PTH2R: variants seen among roughly 807,000 people sequenced by gnomAD.
PTH2R encodes the protein PTH2 receptor.
In PTH2R, 59 loss-of-function variants were observed where a neutral mutation model predicts 60.3. The ratio of observed to expected loss-of-function variants is 0.98; its 90% CI spans 0.79 to 1.22. PTH2R has a LOEUF of 1.22. Among genes scored for constraint, PTH2R ranks in the 50% most tolerant of loss-of-function variants. The pLI is 0.00. For missense variants in PTH2R, 749 were observed against 682.6 expected (o/e 1.10, Z -1.08); for synonymous variants, 256 against 243.8 (o/e 1.05, Z -0.47).
intron 4 of PTH2R, among the ~76,000 whole-genome samples, chr2:208,441,417 C>A (rs925537326): frequency 6.6e-6 from 1 of 152,146 alleles, no homozygotes; most frequent in Non-Finnish European, 1.5e-5. Flanking sequence ...CTCTTTATAT[C>A]CCATTTTCTT....
chr2:208,388,042 G>A (rs1369903442), intron 1 of PTH2R, among the ~76,000 whole-genome samples: 1 of 151,754 alleles, frequency 6.6e-6, no homozygotes, highest in Non-Finnish European at 1.5e-5. Context: ...GGGCGCGGTG[G>A]CTCACACCTG....
At chr2:208,480,023 T>C (rs1262361775) in intron 9 of PTH2R, among the ~76,000 whole-genome samples, 1 of 152,186 alleles carries the variant, frequency 6.6e-6, no homozygotes, top group African/African-American at 2.4e-5. Flanking sequence ...TCAGTTCTTG[T>C]AGAAAGTTGT....
chr2:208,369,096 A>G (rs1700645831), intron 1 of PTH2R, among the ~76,000 whole-genome samples: 1 of 152,142 alleles, frequency 6.6e-6, no homozygotes, highest in African/African-American at 2.4e-5. Flanking sequence ...TGGCTTGACC[A>G]GCACCCATGA....
chr2:208,480,693 C>T (rs1703126857), intron 9 of PTH2R, among the ~76,000 whole-genome samples: 1 of 152,222 alleles, frequency 6.6e-6, no homozygotes, highest in South Asian at 2.1e-4. Context: ...TATTATTCCT[C>T]TCTCTAAAGT....
chr2:208,380,549 A>G (rs1700893730), intron 1 of PTH2R, among the ~76,000 whole-genome samples: 1 of 152,014 alleles, frequency 6.6e-6, no homozygotes, highest in African/African-American at 2.4e-5. Flanking sequence ...TTCAACAAAG[A>G]CTTTCTCTAA....
intron 11 of PTH2R, 66 bp from the exon 12 acceptor site, chr2:208,490,573 C>G: frequency 6.5e-7 from 1 of 1,532,228 alleles, no homozygotes. Flanking sequence ...CACATTTTGG[C>G]ACAAGATGCT....
intron 12 of PTH2R, among the ~76,000 whole-genome samples, chr2:208,492,012 A>G (rs933078278): frequency 3.3e-5 from 5 of 152,192 alleles, no homozygotes; most frequent in Non-Finnish European, 5.9e-5. Flanking sequence ...AGATGAACAG[A>G]TAGAAGTTTG....
intron 9 of PTH2R, among the ~76,000 whole-genome samples, chr2:208,468,164 A>G (rs1373739341): frequency 6.6e-6 from 1 of 152,154 alleles, no homozygotes; most frequent in Admixed American, 6.5e-5. Context: ...ACCTGTCTGT[A>G]AAGGGAGAAA....
intron 9 of PTH2R, among the ~76,000 whole-genome samples, chr2:208,472,358 T>C (rs1187240633): frequency 6.6e-6 from 1 of 152,168 alleles, no homozygotes; most frequent in Non-Finnish European, 1.5e-5. Flanking sequence ...GTCTCTTTGA[T>C]AATAGATAAC....
At chr2:208,474,863 T>G (rs1702965113) in intron 9 of PTH2R, among the ~76,000 whole-genome samples, 1 of 152,216 alleles carries the variant, frequency 6.6e-6, no homozygotes, top group African/African-American at 2.4e-5. Context: ...TAGTCCTGTT[T>G]GATTGATTCT....
At chr2:208,461,358 G>T (rs1424160997) in intron 9 of PTH2R, among the ~76,000 whole-genome samples, 1 of 152,004 alleles carries the variant, frequency 6.6e-6, no homozygotes, top group Non-Finnish European at 1.5e-5. Context: ...AAAATTAACT[G>T]CTCAGATTTC....
intron 9 of PTH2R, among the ~76,000 whole-genome samples, chr2:208,466,065 A>G (rs1407769539): frequency 2.0e-5 from 3 of 152,194 alleles, no homozygotes; most frequent in Non-Finnish European, 2.9e-5. Context: ...AAAACTGCCA[A>G]TACGTGATTT....
intron 4 of PTH2R, among the ~76,000 whole-genome samples, chr2:208,441,653 T>C (rs1702186318): frequency 6.6e-6 from 1 of 152,166 alleles, no homozygotes; most frequent in Non-Finnish European, 1.5e-5. Context: ...GGTTGCCAGG[T>C]GTTTGGCATG....
chr2:208,453,984 T>C (rs770594055), intron 8 of PTH2R, among the ~76,000 whole-genome samples: 2 of 152,140 alleles, frequency 1.3e-5, no homozygotes, highest in Non-Finnish European at 1.5e-5. Flanking sequence ...TCATTCCTTA[T>C]AAGTGTCTGA....
Position 208,470,206 on chromosome 2 carries a change from G to A in PTH2R, c.981+10245G>A, listed in dbSNP as rs146140357. On this transcript the variant is annotated intron_variant, in intron 9 of 12. Transcript: ENST00000272847. ...AGAAACCTGAGATCTTGAATTTACC[G>A]GTTAGGGAAAAGAAAAGGAGGAACT... Among the ~76,000 whole-genome samples the A allele has an allele frequency of 6.6e-4, 101 of 152,244 alleles. 3 individuals carry two copies. In the East Asian group the frequency reaches 0.016, roughly 24 times the overall value.
At chr2:208,438,397 T>C (rs1196703062) in intron 4 of PTH2R, among the ~76,000 whole-genome samples, 1 of 152,106 alleles carries the variant, frequency 6.6e-6, no homozygotes, top group East Asian at 1.9e-4. Context: ...TCCAGCACAA[T>C]ATATTAATTT....
intron 1 of PTH2R, among the ~76,000 whole-genome samples, chr2:208,415,811 A>G (rs1056854032): frequency 2.6e-5 from 4 of 152,216 alleles, no homozygotes; most frequent in Non-Finnish European, 4.4e-5. Context: ...CAATAAAAGT[A>G]AAGTTCAAAG....
chr2:208,443,878 T>G (rs1413454598), intron 6 of PTH2R, among the ~76,000 whole-genome samples: 1 of 152,146 alleles, frequency 6.6e-6, no homozygotes, highest in Non-Finnish European at 1.5e-5. Flanking sequence ...ACCAGAAGCT[T>G]GCAATTTAAA....
At chr2:208,458,154 G>T (rs938417430) in intron 8 of PTH2R, among the ~76,000 whole-genome samples, 7 of 152,054 alleles carry the variant, frequency 4.6e-5, no homozygotes, top group African/African-American at 1.4e-4. Context: ...GATTGGGTGA[G>T]CATGAGTAAA....
Sources: gnomAD v4.1 joint callset for allele counts (sites outside exome capture counted in the v4.1 genomes callset) on GRCh38, gnomAD v4.1.1 for gene constraint, MANE v1.5 for transcripts, NCBI Gene and HGNC (gene_info 2026-07-23, HGNC 2026-07-21) for gene names.